The following SNX24 variants were observed in gnomAD, a reference collection of about 807,000 sequenced individuals.
SNX24 encodes the protein sorting nexin-24.
Under a neutral mutation model 28.7 loss-of-function variants are expected in SNX24, and 22 were observed. That is an observed-to-expected ratio of 0.77 (90% CI 0.55 to 1.10). The LOEUF (loss-of-function observed/expected upper bound fraction) is 1.10. Ranked by LOEUF, SNX24 falls within the 50% of genes least tolerant of loss-of-function variation. SNX24 has a pLI of 0.00. For missense variants in SNX24, 221 were observed against 201.1 expected (o/e 1.10, Z -0.60); for synonymous variants, 69 against 71.5 (o/e 0.96, Z 0.18).
Position 122,868,329 on chromosome 5 carries a change from T to C in SNX24, c.60+22636T>C, listed in dbSNP as rs908908747. On this transcript the variant is annotated intron_variant, in intron 1 of 6. Transcript: ENST00000261369. The stretch of plus-strand genomic sequence containing the variant: ...TAGCTTGATGGGTCAGATAACACAC[T>C]GTTCATGATGGCCAGCTTAGGTCAC... 7.9e-5 allele frequency among the ~76,000 whole-genome samples: 12 copies of C among 152,164 alleles called. 1 individual carries two copies. The highest frequency in any genetic ancestry group is 1.5e-4 in the Non-Finnish European group (10 of 68,034).
chr5:123,017,023 A>G (rs1263305450), intron 5 of SNX24, among the ~76,000 whole-genome samples: 1 of 152,134 alleles, frequency 6.6e-6, no homozygotes, highest in African/African-American at 2.4e-5. Context: ...ATTTTTGCAG[A>G]ACCATTTCCA....
chr5:122,910,866 C>T (rs1313757970), intron 1 of SNX24, among the ~76,000 whole-genome samples: 4 of 151,898 alleles, frequency 2.6e-5, no homozygotes, highest in South Asian at 2.1e-4. Context: ...TCCAGTGTAT[C>T]GTTGTTGGAC....
At chr5:122,914,052 T>C (rs1483532224) in intron 1 of SNX24, among the ~76,000 whole-genome samples, 1 of 152,064 alleles carries the variant, frequency 6.6e-6, no homozygotes, top group African/African-American at 2.4e-5. Context: ...TGAGCCGAGA[T>C]GGCAGCAGTA....
At chr5:122,991,370 T>G (rs1761842034) in intron 3 of SNX24, among the ~76,000 whole-genome samples, 1 of 152,214 alleles carries the variant, frequency 6.6e-6, no homozygotes, top group Non-Finnish European at 1.5e-5. Context: ...TGTACCCAGT[T>G]ATTTGCTGAA....
chr5:122,994,636 G>GA (rs1480597450), intron 3 of SNX24, among the ~76,000 whole-genome samples: 3 of 152,158 alleles, frequency 2.0e-5, no homozygotes, highest in Non-Finnish European at 4.4e-5. Flanking sequence ...TCAATAAAAA[G>GA]AGCATTTCTT....
At chr5:122,909,803 G>A (rs996464795) in intron 1 of SNX24, among the ~76,000 whole-genome samples, 4 of 152,218 alleles carry the variant, frequency 2.6e-5, no homozygotes, top group Non-Finnish European at 5.9e-5. Flanking sequence ...CCAGCTCAGA[G>A]TCTGATGCAG....
intron 3 of SNX24, among the ~76,000 whole-genome samples, chr5:122,950,021 T>A (rs30022): frequency 0.77 from 116,968 of 152,028 alleles, 45,872 homozygotes; most frequent in East Asian, 0.99. Context: ...TATTATGTTT[T>A]CTTACCTCTT....
At chr5:122,852,917 C>A (rs569553100) in intron 1 of SNX24, among the ~76,000 whole-genome samples, 1 of 152,104 alleles carries the variant, frequency 6.6e-6, no homozygotes, top group African/African-American at 2.4e-5. Context: ...GGGAGAAGGG[C>A]AGCAGGATGT....
downstream of SNX24, among the ~76,000 whole-genome samples, chr5:123,012,711 CAG>C (rs1310375821): frequency 2.6e-5 from 4 of 152,180 alleles, no homozygotes; most frequent in Non-Finnish European, 5.9e-5. Context: ...ACTGCAGGCT[CAG>C]AGAATAAGGC....
intron 1 of SNX24, among the ~76,000 whole-genome samples, chr5:122,877,294 G>A (rs768151811): frequency 4.5e-4 from 69 of 152,164 alleles, no homozygotes; most frequent in African/African-American, 1.5e-3. Flanking sequence ...CAATAACTGT[G>A]TGAAGAAAAC....
intron 1 of SNX24, 62 bp downstream of exon 1, chr5:122,845,755 G>T (rs1395693612): frequency 3.7e-6 from 4 of 1,081,810 alleles, no homozygotes; most frequent in Non-Finnish European, 3.6e-6. Flanking sequence ...CTGCGCCCAG[G>T]AAACACCCTT....
intron 3 of SNX24, among the ~76,000 whole-genome samples, chr5:122,978,552 T>C (rs1179130302): frequency 6.6e-6 from 1 of 152,208 alleles, no homozygotes; most frequent in Non-Finnish European, 1.5e-5. Flanking sequence ...TCCCAGCTTT[T>C]TTAGTGTTTT....
chr5:122,967,671 G>A (rs1172623628), intron 3 of SNX24, among the ~76,000 whole-genome samples: 2 of 152,138 alleles, frequency 1.3e-5, no homozygotes, highest in Non-Finnish European at 2.9e-5. Flanking sequence ...CATTTGATAC[G>A]GGCATCCCCA....
intron 1 of SNX24, among the ~76,000 whole-genome samples, chr5:122,860,050 T>G (rs970206820): frequency 2.6e-5 from 4 of 152,190 alleles, no homozygotes; most frequent in Non-Finnish European, 5.9e-5. Context: ...TTAATCTCTT[T>G]AGGATTGGGA....
intron 1 of SNX24, among the ~76,000 whole-genome samples, chr5:122,846,229 A>G (rs946803962): frequency 1.3e-5 from 2 of 152,138 alleles, no homozygotes; most frequent in Admixed American, 1.3e-4. Flanking sequence ...TGAAATGGCA[A>G]AATTACTTGC....
At chr5:122,912,460 A>C (rs549546013) in intron 1 of SNX24, among the ~76,000 whole-genome samples, 34 of 152,000 alleles carry the variant, frequency 2.2e-4, no homozygotes, top group Admixed American at 1.9e-3. Context: ...AATACCCTTT[A>C]TTTCCTTCTC....
chr5:122,913,193 A>G (rs1422545750), intron 1 of SNX24, among the ~76,000 whole-genome samples: 1 of 152,252 alleles, frequency 6.6e-6, no homozygotes, highest in Admixed American at 6.5e-5. Flanking sequence ...CAAAACCGCC[A>G]TTGTCATCAT....
intron 5 of SNX24, chr5:123,029,210 C>T (rs547522749): frequency 3.1e-5 from 50 of 1,597,168 alleles, no homozygotes; most frequent in Non-Finnish European, 3.8e-5. Context: ...GTTCATCTGA[C>T]ATACTAATTT....
intron 3 of SNX24, among the ~76,000 whole-genome samples, chr5:122,962,640 TAGGCC>T (rs1293720807): frequency 6.6e-6 from 1 of 152,198 alleles, no homozygotes; most frequent in East Asian, 1.9e-4. Flanking sequence ...AGAGGTGGCA[TAGGCC>T]AGTGGAGGAG....
Sources: gnomAD v4.1 joint callset for allele counts (sites outside exome capture counted in the v4.1 genomes callset) on GRCh38, gnomAD v4.1.1 for gene constraint, MANE v1.5 for transcripts, NCBI Gene and HGNC (gene_info 2026-07-23, HGNC 2026-07-21) for gene names.